Variants in EEFSEC observed in about 807,000 individuals in gnomAD.
EEFSEC encodes the protein selenocysteine-specific elongation factor.
EEFSEC carries 43 observed loss-of-function variants against 42.1 expected under a neutral mutation model. That is an observed-to-expected ratio of 1.02 (90% CI 0.80 to 1.32). The LOEUF (loss-of-function observed/expected upper bound fraction) is 1.32. Ranked by LOEUF, EEFSEC falls within the 40% of genes most tolerant of loss-of-function variation. The pLI, the probability that EEFSEC is intolerant of heterozygous loss-of-function variation, is 0.00. For missense variants in EEFSEC, 745 were observed against 803.6 expected, an observed-to-expected ratio of 0.93 and a Z score of 0.88; for synonymous variants, 354 against 339.1, an observed-to-expected ratio of 1.04 and a Z score of -0.48.
At chr3:128,367,854 G>A in intron 6 of EEFSEC, 1 of 985,312 alleles carries the variant, frequency 1.0e-6, no homozygotes, top group Non-Finnish European at 1.2e-6. Context: ...AAGCAGTTCT[G>A]CACTGGTGAC....
intron 4 of EEFSEC, among the ~76,000 whole-genome samples, chr3:128,329,309 T>C (rs2067099314): frequency 1.3e-5 from 2 of 152,118 alleles, no homozygotes; most frequent in Non-Finnish European, 2.9e-5. Flanking sequence ...ATGTTGCCCC[T>C]GCACAGCTGC....
At chr3:128,156,401 A>G (rs749191504) in intron 1 of EEFSEC, among the ~76,000 whole-genome samples, 32 of 152,172 alleles carry the variant, frequency 2.1e-4, no homozygotes, top group Non-Finnish European at 4.4e-4. Flanking sequence ...AGTCCTTTGC[A>G]TGCTTCCCCA....
chr3:128,316,720 G>T (rs147964687), intron 4 of EEFSEC, among the ~76,000 whole-genome samples: 4 of 152,312 alleles, frequency 2.6e-5, no homozygotes, highest in African/African-American at 9.6e-5. Flanking sequence ...AGCCAGCAGC[G>T]TGGGGTTACC....
intron 1 of EEFSEC, among the ~76,000 whole-genome samples, chr3:128,183,164 T>C (rs1021181064): frequency 6.6e-6 from 1 of 152,182 alleles, no homozygotes; most frequent in Non-Finnish European, 1.5e-5. Flanking sequence ...TTAGAGTTGC[T>C]TCGAGAACAT....
chr3:128,401,973 C>T lies in EEFSEC; in HGVS notation c.1601-6096C>T, dbSNP rs577513612. 2.1e-4 allele frequency among the ~76,000 whole-genome samples: 32 copies of T among 152,320 alleles called. No individual in the cohort carries two copies. In the South Asian group the frequency reaches 5.2e-3, roughly 25 times the overall value. ...AGCACCATGGGCCTAGAGATGTCAG[C>T]GAGCTTTCTGGCCCTCCCTCCCCTC... On this transcript the variant is annotated intron_variant, in intron 6 of 6. Transcript: ENST00000254730.
chr3:128,166,029 T>C (rs550276951), intron 1 of EEFSEC, among the ~76,000 whole-genome samples: 259 of 152,316 alleles, frequency 1.7e-3, no homozygotes, highest in African/African-American at 6.0e-3. Context: ...TTCTCAGCAT[T>C]CTCTATTTTC....
At chr3:128,412,763 A>C (rs2068182803), downstream of EEFSEC, among the ~76,000 whole-genome samples, 1 of 152,212 alleles carries the variant, frequency 6.6e-6, no homozygotes, top group African/African-American at 2.4e-5. Context: ...AGCCGGCACC[A>C]GGCTTGGCTG....
chr3:128,408,252 C>T lies in EEFSEC; in HGVS notation c.1784C>T (p.Ser595Phe). 2 of 1,587,408 alleles carry T rather than the reference C, an allele frequency of 1.3e-6. No individual in the cohort carries two copies. The highest frequency in any genetic ancestry group is 1.7e-6 in the Non-Finnish European group (2 of 1,164,678). ...VFDTHKRMVQ[S>F]P Reference sequence around the variant, plus strand: ...GACACCCACAAGCGCATGGTTCAGTCTCCCTGAGTGTCCGGTGACCTCCCC... The same window carrying T: ...GACACCCACAAGCGCATGGTTCAGTTTCCCTGAGTGTCCGGTGACCTCCCC... Residue 595 changes from serine (S) to phenylalanine (F), a missense_variant, in exon 7 of 7, where the codon TCT (serine) becomes TTT (phenylalanine). Transcript: ENST00000254730.
At chr3:128,253,989 C>G (rs1383678488) in intron 2 of EEFSEC, among the ~76,000 whole-genome samples, 1 of 152,150 alleles carries the variant, frequency 6.6e-6, no homozygotes, top group African/African-American at 2.4e-5. Flanking sequence ...TGATTTTCTT[C>G]AAGGGTTTGC....
At chr3:128,349,351 T>C (rs1229786617) in intron 5 of EEFSEC, among the ~76,000 whole-genome samples, 1 of 152,192 alleles carries the variant, frequency 6.6e-6, no homozygotes, top group Non-Finnish European at 1.5e-5. Context: ...CTCTCTCACC[T>C]ACCCTTCTGT....
chr3:128,369,621 C>T (rs1052564141), intron 6 of EEFSEC, among the ~76,000 whole-genome samples: 10 of 152,234 alleles, frequency 6.6e-5, no homozygotes, highest in South Asian at 2.1e-4. Context: ...ACAAGAGCTT[C>T]GGAGGCAGCC....
At chr3:128,384,469 A>G (rs921575321) in intron 6 of EEFSEC, among the ~76,000 whole-genome samples, 1 of 152,160 alleles carries the variant, frequency 6.6e-6, no homozygotes, top group African/African-American at 2.4e-5. Context: ...GTGGGGGTGA[A>G]GTGCTCAGGA....
At chr3:128,173,914 A>G (rs1161761844) in intron 1 of EEFSEC, among the ~76,000 whole-genome samples, 1 of 152,226 alleles carries the variant, frequency 6.6e-6, no homozygotes, top group African/African-American at 2.4e-5. Flanking sequence ...GTACAGTGGC[A>G]GAGTGCTTCA....
intron 4 of EEFSEC, among the ~76,000 whole-genome samples, chr3:128,326,992 T>C (rs1013375576): frequency 6.6e-6 from 1 of 152,204 alleles, no homozygotes; most frequent in African/African-American, 2.4e-5. Context: ...TGGCATCATA[T>C]TCTGAGCAGT....
At chr3:128,197,259 C>T (rs773814306) in intron 1 of EEFSEC, among the ~76,000 whole-genome samples, 4 of 152,146 alleles carry the variant, frequency 2.6e-5, no homozygotes, top group East Asian at 1.9e-4. Flanking sequence ...ATCCTGGAGG[C>T]GGAAATACGC....
intron 1 of EEFSEC, among the ~76,000 whole-genome samples, chr3:128,159,051 C>T (rs1944430854): frequency 1.3e-5 from 2 of 152,212 alleles, no homozygotes; most frequent in Non-Finnish European, 1.5e-5. Context: ...TGCTACCATT[C>T]TTCCTTGAAT....
intron 4 of EEFSEC, among the ~76,000 whole-genome samples, chr3:128,287,318 A>G (rs997525274): frequency 6.6e-6 from 1 of 151,924 alleles, no homozygotes; most frequent in African/African-American, 2.4e-5. Context: ...TTGTGCAGCC[A>G]TGGGGGGAGG....
chr3:128,280,969 A>AT (rs1179433795), intron 4 of EEFSEC, among the ~76,000 whole-genome samples: 1 of 152,036 alleles, frequency 6.6e-6, no homozygotes, highest in Non-Finnish European at 1.5e-5. Flanking sequence ...GCACATTATC[A>AT]TATACAAATA....
chr3:128,286,686 C>G (rs1181602055), intron 4 of EEFSEC, among the ~76,000 whole-genome samples: 2 of 152,172 alleles, frequency 1.3e-5, no homozygotes, highest in Admixed American at 1.3e-4. Flanking sequence ...GCTACTTCTC[C>G]AAGGAGCCTG....
Sources: allele counts gnomAD v4.1 joint callset (sites outside exome capture counted in the v4.1 genomes callset), GRCh38; gene constraint gnomAD v4.1.1; transcripts MANE v1.5; gene names NCBI Gene and HGNC (gene_info 2026-07-23, HGNC 2026-07-21).